The following DENND1A variants were observed in gnomAD, a reference collection of about 807,000 sequenced individuals.
DENND1A encodes the protein DENN domain containing 1A, also known as DENN domain-containing protein 1A.
Under a neutral mutation model 113.7 loss-of-function variants are expected in DENND1A, and 51 were observed. The observed-to-expected ratio is 0.45, with a 90% CI of 0.36 to 0.57. The LOEUF is 0.57. DENND1A is among the 20% of genes least tolerant of loss of function. The pLI is 0.00. For synonymous variants in DENND1A, 565 were observed against 570.8 expected, an observed-to-expected ratio of 0.99 and a Z score of 0.14; for missense variants, 1,258 against 1,395.9, an observed-to-expected ratio of 0.90 and a Z score of 1.57.
intron 11 of DENND1A, among the ~76,000 whole-genome samples, chr9:123,600,212 A>G (rs1350835484): frequency 2.6e-5 from 4 of 152,228 alleles, no homozygotes; most frequent in Non-Finnish European, 5.9e-5. Context: ...AATCTTAGGT[A>G]GATAAGTCTT....
At chr9:123,781,001 G>T (rs1213077208) in intron 3 of DENND1A, among the ~76,000 whole-genome samples, 2 of 152,174 alleles carry the variant, frequency 1.3e-5, no homozygotes, top group East Asian at 3.8e-4. Context: ...GAAGTAACTT[G>T]CCTACCTCTC....
chr9:123,859,374 T>C (rs930638714), intron 2 of DENND1A, among the ~76,000 whole-genome samples: 3 of 151,770 alleles, frequency 2.0e-5, no homozygotes, highest in Admixed American at 1.3e-4. Flanking sequence ...ACATTTTGAA[T>C]GGTATTTCTA....
chr9:123,885,983 G>T (rs995495702), intron 1 of DENND1A, among the ~76,000 whole-genome samples: 2 of 152,140 alleles, frequency 1.3e-5, no homozygotes, highest in Non-Finnish European at 2.9e-5. Flanking sequence ...TCACCATGTT[G>T]CCCAGGCTGG....
intron 17 of DENND1A, 102 bp from the exon 18 acceptor site, chr9:123,450,851 A>T: frequency 1.1e-6 from 1 of 895,950 alleles, no homozygotes; most frequent in Admixed American, 3.1e-5. Context: ...ATTACTAGAA[A>T]AAGGAAGGAA....
intron 18 of DENND1A, among the ~76,000 whole-genome samples, chr9:123,442,238 T>A (rs2046981005): frequency 6.6e-6 from 1 of 152,078 alleles, no homozygotes; most frequent in African/African-American, 2.4e-5. Context: ...TACTGCTTGG[T>A]AAACAACAAA....
chr9:123,676,626 C>A (rs1005284640), intron 6 of DENND1A, 94 bp downstream of exon 6: 9 of 1,192,676 alleles, frequency 7.5e-6, no homozygotes, highest in Non-Finnish European at 1.1e-5. Flanking sequence ...GGGCATGCAT[C>A]ACTTTTTTGG....
Position 123,929,963 on chromosome 9 carries a change from G to T in DENND1A, c.-58C>A. 3.9e-6 allele frequency: 1 copy of T among 253,578 alleles called. No individual in the cohort carries two copies. Among genetic ancestry groups the T allele is most frequent in the Non-Finnish European group, 7.2e-6 (1 of 138,132 alleles). 15.7% of individuals were successfully genotyped at this position (253,578 alleles called of 1,614,324 possible). A position where few individuals can be genotyped will look rare whatever the true frequency, so the allele number is the denominator to read the frequency against. ...CCGCTCGGCGCTGCGCTGCCCGCCC[G>T]CCCGCGGCCGACCGGCCTCCCTCTG... On this transcript the variant is annotated 5_prime_UTR_variant, in exon 1 of 24. Transcript: ENST00000394215.
chr9:123,410,974 A>C (rs1272486827), intron 20 of DENND1A, among the ~76,000 whole-genome samples: 1 of 152,190 alleles, frequency 6.6e-6, no homozygotes, highest in Non-Finnish European at 1.5e-5. Context: ...ACTGATGCTT[A>C]ACACGGGACC....
At chr9:123,733,664 T>C (rs1039429171) in intron 5 of DENND1A, among the ~76,000 whole-genome samples, 6 of 145,378 alleles carry the variant, frequency 4.1e-5, no homozygotes, top group African/African-American at 8.0e-5. Flanking sequence ...CATATTCTTG[T>C]TGGTTATTTT....
At chr9:123,805,532 C>A (rs978612390) in intron 2 of DENND1A, among the ~76,000 whole-genome samples, 1 of 151,332 alleles carries the variant, frequency 6.6e-6, no homozygotes, top group African/African-American at 2.4e-5. Flanking sequence ...CTCCTGGGTT[C>A]AAGCGATTAT....
chr9:123,662,209 A>T (rs1564905944), intron 8 of DENND1A, among the ~76,000 whole-genome samples: 1 of 152,228 alleles, frequency 6.6e-6, no homozygotes. Context: ...GTGGAGAAAC[A>T]TCTTCAAAGT....
At chr9:123,594,760 G>C (rs1300056376) in intron 11 of DENND1A, among the ~76,000 whole-genome samples, 1 of 152,176 alleles carries the variant, frequency 6.6e-6, no homozygotes, top group Non-Finnish European at 1.5e-5. Flanking sequence ...CCATGAGCCA[G>C]TGTTCCTTCC....
intron 13 of DENND1A, among the ~76,000 whole-genome samples, chr9:123,556,467 G>A (rs1023061386): frequency 2.0e-5 from 3 of 152,214 alleles, no homozygotes; most frequent in Admixed American, 6.5e-5. Flanking sequence ...ACAAGGAAGC[G>A]TGACCCCTGC....
intron 12 of DENND1A, among the ~76,000 whole-genome samples, chr9:123,578,738 G>A (rs964896280): frequency 6.6e-6 from 1 of 152,120 alleles, no homozygotes; most frequent in East Asian, 1.9e-4. Context: ...AAGGGAAATG[G>A]GCAATAAATC....
At chr9:123,519,897 C>T (rs548298873) in intron 13 of DENND1A, among the ~76,000 whole-genome samples, 64 of 152,222 alleles carry the variant, frequency 4.2e-4, no homozygotes, top group African/African-American at 1.4e-3. Flanking sequence ...CGGTGGCTCA[C>T]ACCTGTCATC....
At chr9:123,902,206 C>CACACACACACAT (rs1554810503) in intron 1 of DENND1A, among the ~76,000 whole-genome samples, 2 of 149,028 alleles carry the variant, frequency 1.3e-5, no homozygotes, top group East Asian at 3.9e-4. Flanking sequence ...CACACACACA[C>CACACACACACAT]ATACACACAC....
intron 3 of DENND1A, among the ~76,000 whole-genome samples, chr9:123,791,604 T>A (rs1197183905): frequency 1.3e-5 from 2 of 152,182 alleles, no homozygotes; most frequent in African/African-American, 2.4e-5. Flanking sequence ...TAAAGATGTA[T>A]CAGATACCTT....
chr9:123,654,414 G>A (rs915871434), intron 8 of DENND1A, among the ~76,000 whole-genome samples: 5 of 152,124 alleles, frequency 3.3e-5, no homozygotes, highest in South Asian at 2.1e-4. Context: ...GAAGCTTCAC[G>A]CTGGGGAGAA....
chr9:123,416,417 C>T (rs1408825668), intron 19 of DENND1A, among the ~76,000 whole-genome samples: 1 of 152,244 alleles, frequency 6.6e-6, no homozygotes, highest in African/African-American at 2.4e-5. Context: ...CGCTTGAGTG[C>T]TCTTTCCACC....
Sources: allele counts gnomAD v4.1 joint callset (sites outside exome capture counted in the v4.1 genomes callset), GRCh38; gene constraint gnomAD v4.1.1; transcripts MANE v1.5; gene names NCBI Gene and HGNC (gene_info 2026-07-23, HGNC 2026-07-21).